Variants in JCAD observed in about 807,000 individuals in gnomAD.
JCAD encodes the protein junctional cadherin 5-associated protein.
In JCAD, 40 loss-of-function variants were observed where a neutral mutation model predicts 98.0. The observed-to-expected ratio is 0.41, with a 90% CI of 0.32 to 0.53. The LOEUF (loss-of-function observed/expected upper bound fraction) is 0.53, where lower values mean the gene tolerates loss of function less well. JCAD is among the 20% of genes least tolerant of loss of function. The pLI is 0.31. For missense variants in JCAD, 1,705 were observed against 1,738.1 expected, an observed-to-expected ratio of 0.98 and a Z score of 0.34; for synonymous variants, 691 against 682.3, an observed-to-expected ratio of 1.01 and a Z score of -0.20.
At position 30,013,318 on chromosome 10, in the gene JCAD, GA is replaced by G. The variant is rs79803186; in HGVS notation, c.*4564del. 0.31 allele frequency: 47,270 copies of G among 151,724 alleles called. 7,642 individuals are homozygous for G. Among genetic ancestry groups the G allele is most frequent in the Middle Eastern group, 0.38 (111 of 294 alleles). The allele number at this position is 151,724 out of a possible 1,614,324, so 9.4% of individuals were successfully genotyped here. ...GAGCAAGACCCTGTTTCAAGGGGGG[GA>G]AAAAAAGTTTCTTTGGAGTTGCAAG... On this transcript the variant is annotated 3_prime_UTR_variant, in exon 4 of 4. Transcript: ENST00000375377.
rs75060022 is a variant in JCAD at position 30,030,888 on chromosome 10, C to T, written c.282-1022G>A. Reference sequence around the variant, plus strand: ...GACACATTACATTACAATCTTAAGACGTGTGGGTGGTAAATGGAGGGCGAG... The same window carrying T: ...GACACATTACATTACAATCTTAAGATGTGTGGGTGGTAAATGGAGGGCGAG... On this transcript the variant is annotated intron_variant, in intron 2 of 3. Coordinates refer to ENST00000375377, the MANE Select transcript of JCAD (RefSeq NM_020848.4). 7.7e-4 allele frequency among the ~76,000 whole-genome samples: 116 copies of T among 151,004 alleles called. 5 individuals carry two copies. In the East Asian group the frequency reaches 0.022, roughly 28 times the overall value.
chr10:30,019,938 A>G (rs1836622893), intron 3 of JCAD, among the ~76,000 whole-genome samples: 1 of 152,058 alleles, frequency 6.6e-6, no homozygotes, highest in Non-Finnish European at 1.5e-5. Flanking sequence ...GAAAAAAAGA[A>G]AAAGGAAAAA....
upstream of JCAD, among the ~76,000 whole-genome samples, chr10:30,063,608 TA>T (rs1004900283): frequency 8.6e-5 from 13 of 150,970 alleles, no homozygotes; most frequent in South Asian, 1.9e-3. Flanking sequence ...AACGCTCTTT[TA>T]AAAAAAAAAT....
At chr10:30,046,269 G>C (rs1023780668) in intron 2 of JCAD, among the ~76,000 whole-genome samples, 3 of 152,002 alleles carry the variant, frequency 2.0e-5, no homozygotes, top group Non-Finnish European at 4.4e-5. Flanking sequence ...GGGTTTCAGG[G>C]CTCCTCTCCC....
At chr10:30,083,192 AT>A (rs1838116101) in intron 1 of JCAD, among the ~76,000 whole-genome samples, 2 of 152,184 alleles carry the variant, frequency 1.3e-5, no homozygotes, top group African/African-American at 4.8e-5. Flanking sequence ...GAAGGAAAAA[AT>A]AATCTCTAAT....
intron 2 of JCAD, among the ~76,000 whole-genome samples, chr10:30,066,353 G>A (rs565081488): frequency 4.0e-4 from 61 of 152,216 alleles, no homozygotes; most frequent in Non-Finnish European, 6.5e-4. Flanking sequence ...TGCTCTCCTC[G>A]TGTCAGCTTG....
intron 1 of JCAD, among the ~76,000 whole-genome samples, chr10:30,093,625 C>G (rs1046841559): frequency 6.6e-6 from 1 of 152,218 alleles, no homozygotes; most frequent in Admixed American, 6.5e-5. Context: ...TCTAGCCCCC[C>G]GCATGTGGCT....
rs146480352 is a variant in JCAD, at chr10:30,052,936, A to C, written c.-59-5065T>G. 6.9e-3 allele frequency among the ~76,000 whole-genome samples: 1,058 copies of C among 152,346 alleles called. 4 individuals are homozygous for C. Among genetic ancestry groups the C allele is most frequent in the Admixed American group, 0.011 (165 of 15,304 alleles). On this transcript the variant is annotated intron_variant, in intron 1 of 3. Coordinates refer to ENST00000375377, the MANE Select transcript of JCAD (RefSeq NM_020848.4). ...TATAATGCTCAAGACAGTGAAAGGA[A>C]ACAAAACATTAAGGAACTCATTAAA...
rs202154515 is a variant in JCAD, at chr10:30,029,094, T to C, written c.1054A>G (p.Asn352Asp). 42 of 1,614,106 alleles carry C rather than the reference T, an allele frequency of 2.6e-5. No homozygotes were observed. The highest frequency in any genetic ancestry group is 3.2e-5 in the Non-Finnish European group (38 of 1,180,022). ...PPPSYRSPPQNIPNPYLEDTV... is the reference protein window; with the variant it reads ...PPPSYRSPPQDIPNPYLEDTV... ...TCTTCCAAGTAGGGGTTTGGGATGT[T>C]CTGCGGGGGCGATCTGTATGAGGGC... Residue 352 changes from asparagine (N) to aspartate (D), a missense_variant, in exon 3 of 4, where the codon AAC becomes GAC. Asn to Asp is a conservative substitution (Grantham distance 23). Transcript: ENST00000375377.
chr10:30,023,094 A>G (rs1203133918), intron 3 of JCAD, among the ~76,000 whole-genome samples: 1 of 151,882 alleles, frequency 6.6e-6, no homozygotes, highest in Non-Finnish European at 1.5e-5. Context: ...CTGGAGTGCA[A>G]TGGCGCGATC....
intron 1 of JCAD, among the ~76,000 whole-genome samples, chr10:30,094,832 T>G (rs996064773): frequency 6.6e-6 from 1 of 152,150 alleles, no homozygotes; most frequent in African/African-American, 2.4e-5. Context: ...CGAATATCTG[T>G]CTCCCTGATC....
At chr10:30,079,921 C>T (rs574299167) in intron 1 of JCAD, among the ~76,000 whole-genome samples, 1 of 152,228 alleles carries the variant, frequency 6.6e-6, no homozygotes, top group South Asian at 2.1e-4. Context: ...CATCATTATT[C>T]ATCATTTACT....
chr10:30,068,390 CAAAAAAAAAAAAAA>C (rs34060997), intron 2 of JCAD, among the ~76,000 whole-genome samples: 1 of 48,210 alleles, frequency 2.1e-5, no homozygotes, highest in African/African-American at 8.2e-5. Flanking sequence ...AACTCTGTCT[CAAAAAAAAAAAAAA>C]AAAAAAAAAA....
At chr10:30,031,817 G>C (rs1475738805) in intron 2 of JCAD, among the ~76,000 whole-genome samples, 24 of 138,788 alleles carry the variant, frequency 1.7e-4, no homozygotes, top group Non-Finnish European at 9.3e-5. Flanking sequence ...TGCAGTGGTG[G>C]GATCTCGGCT....
chr10:30,020,134 C>T lies in JCAD; in HGVS notation c.4046-2217G>A, dbSNP rs192841404. Among the ~76,000 whole-genome samples the T allele has an allele frequency of 4.6e-5, 7 of 151,920 alleles. No homozygotes were observed. The East Asian group carries it at 1.4e-3, about 29-fold the overall frequency. ...ACCTGAGGTCGAGTTGGAGACCAGC[C>T]TGGCCGACATGGCGAAACCCCATCT... On this transcript the variant is annotated intron_variant, in intron 3 of 3. Coordinates refer to ENST00000375377, the MANE Select transcript of JCAD (RefSeq NM_020848.4).
chr10:30,073,146 G>C (rs918593676), intron 1 of JCAD, among the ~76,000 whole-genome samples: 2 of 152,324 alleles, frequency 1.3e-5, no homozygotes, highest in Non-Finnish European at 2.9e-5. Flanking sequence ...TTTATCAGGA[G>C]GTAACATAAC....
At chr10:30,017,939 G>T in intron 3 of JCAD, 22 bp from the exon 4 acceptor site, 4 of 1,594,550 alleles carry the variant, frequency 2.5e-6, no homozygotes, top group Non-Finnish European at 1.7e-6. Context: ...GAAAAGAAAA[G>T]AAAATTAGTG....
In JCAD at chr10:30,027,697, C is replaced by A. The variant is rs538107303; in HGVS notation, c.2451G>T (p.Gly817=). The change falls in exon 3 of 4, where the codon GGG becomes GGT. Residue 817 remains glycine (G), a synonymous_variant. Coordinates refer to ENST00000375377, the MANE Select transcript of JCAD (RefSeq NM_020848.4). ...GGCTGACCGGTTTCAGGAGAAACTG[C>A]CCAAAGAGTTGTTTACTGTTGCAAG... ...TGPCNSKQLF[G]QFLLKPVSRR... The A allele has an allele frequency of 1.2e-6, 2 of 1,614,248 alleles. No homozygotes were observed. Among genetic ancestry groups the A allele is most frequent in the South Asian group, 1.1e-5 (1 of 91,088 alleles).
intron 1 of JCAD, among the ~76,000 whole-genome samples, chr10:30,096,707 T>C (rs1481581872): frequency 1.3e-5 from 2 of 151,926 alleles, no homozygotes; most frequent in Admixed American, 1.3e-4. Context: ...GAAGTATAAA[T>C]TGATGAAGGC....
Sources: gnomAD v4.1 joint callset for allele counts (sites outside exome capture counted in the v4.1 genomes callset) on GRCh38, gnomAD v4.1.1 for gene constraint, MANE v1.5 for transcripts, NCBI Gene and HGNC (gene_info 2026-07-23, HGNC 2026-07-21) for gene names.